SYT1: variants seen among roughly 807,000 people sequenced by gnomAD.
The protein encoded by SYT1 is synaptotagmin-1.
SYT1 carries 8 observed loss-of-function variants against 44.8 expected under a neutral mutation model. The ratio of observed to expected loss-of-function variants is 0.18; its 90% confidence interval spans 0.10 to 0.32. The LOEUF (loss-of-function observed/expected upper bound fraction) is 0.32. SYT1 is among the 10% of genes least tolerant of loss of function. The probability of loss-of-function intolerance (pLI) is 1.00; values close to 1 mark genes in which losing one functional copy is unlikely to be tolerated. For missense variants in SYT1, 286 were observed against 509.3 expected, an observed-to-expected ratio of 0.56 and a Z score of 4.22; for synonymous variants, 154 against 188.8, an observed-to-expected ratio of 0.82 and a Z score of 1.51.
intron 9 of SYT1, among the ~76,000 whole-genome samples, chr12:79,387,451 T>A (rs546419703): frequency 1.8e-4 from 27 of 152,344 alleles, no homozygotes; most frequent in Non-Finnish European, 2.9e-4. Flanking sequence ...GGCATCAATC[T>A]CTCAATGAAA....
intron 8 of SYT1, among the ~76,000 whole-genome samples, chr12:79,341,811 G>A (rs1333657993): frequency 6.6e-6 from 1 of 151,654 alleles, no homozygotes; most frequent in Non-Finnish European, 1.5e-5. Context: ...TGGGACTATA[G>A]GCACCCGCCA....
chr12:79,397,341 C>T (rs1430673775), intron 9 of SYT1, among the ~76,000 whole-genome samples: 3 of 152,116 alleles, frequency 2.0e-5, no homozygotes, highest in African/African-American at 4.8e-5. Context: ...GCAGTCCTCC[C>T]ACCTCAGCCT....
At chr12:79,241,125 G>T (rs1019720734) in intron 4 of SYT1, among the ~76,000 whole-genome samples, 1 of 152,184 alleles carries the variant, frequency 6.6e-6, no homozygotes, top group Non-Finnish European at 1.5e-5. Context: ...AGTGAACTGT[G>T]ATAGTGCCAC....
chr12:79,373,441 T>C (rs371886430), intron 9 of SYT1, among the ~76,000 whole-genome samples: 11 of 152,304 alleles, frequency 7.2e-5, no homozygotes, highest in Admixed American at 3.9e-4. Context: ...TTATGAATGA[T>C]AAAAATGTTA....
chr12:79,180,809 G>T (rs900816910), intron 3 of SYT1, among the ~76,000 whole-genome samples: 1 of 152,020 alleles, frequency 6.6e-6, no homozygotes, highest in African/African-American at 2.4e-5. Flanking sequence ...AACGTTGGGT[G>T]ATATGGTTTG....
At chr12:79,128,720 A>G (rs1241146977) in intron 3 of SYT1, among the ~76,000 whole-genome samples, 1 of 152,254 alleles carries the variant, frequency 6.6e-6, no homozygotes, top group Non-Finnish European at 1.5e-5. Flanking sequence ...TGGCACGTGT[A>G]TACCTATGTA....
At position 79,273,356 on chromosome 12, in the gene SYT1, T is replaced by G. The variant is rs1878537914; in HGVS notation, c.167-12431T>G. 2.6e-5 allele frequency among the ~76,000 whole-genome samples: 4 copies of G among 152,208 alleles called. No individual in the cohort carries two copies. The South Asian group carries it at 6.2e-4, about 24-fold the overall frequency. ...AACTCCTGGACTCAGGTGATCCTCC[T>G]GCCTCAGCCTCCCAAAGTACTGGCA... is the stretch of plus-strand genomic sequence containing the variant. On this transcript the variant is annotated intron_variant, in intron 4 of 10. Transcript: ENST00000261205.
intron 2 of SYT1, among the ~76,000 whole-genome samples, chr12:79,027,538 G>A (rs1872607349): frequency 1.3e-5 from 2 of 151,248 alleles, no homozygotes; most frequent in Non-Finnish European, 3.0e-5. Flanking sequence ...TAGATATTAT[G>A]TAGATATATA....
intron 4 of SYT1, among the ~76,000 whole-genome samples, chr12:79,228,454 T>C (rs1188886774): frequency 3.9e-5 from 6 of 152,126 alleles, no homozygotes; most frequent in Non-Finnish European, 7.4e-5. Context: ...TCTGCATTAT[T>C]ATCACTATTG....
chr12:79,303,935 C>T (rs1272021424), intron 8 of SYT1, among the ~76,000 whole-genome samples: 3 of 152,122 alleles, frequency 2.0e-5, no homozygotes, highest in Non-Finnish European at 2.9e-5. Context: ...CTCCACCCAA[C>T]GATCAATGCC....
intron 3 of SYT1, among the ~76,000 whole-genome samples, chr12:79,208,007 A>G (rs1232315085): frequency 6.6e-6 from 1 of 152,206 alleles, no homozygotes; most frequent in East Asian, 1.9e-4. Flanking sequence ...CCTGGTTTTT[A>G]ACACAAACAT....
intron 3 of SYT1, among the ~76,000 whole-genome samples, chr12:79,144,938 A>G (rs1869783448): frequency 6.6e-6 from 1 of 152,216 alleles, no homozygotes; most frequent in South Asian, 2.1e-4. Context: ...GAAGAGTTTC[A>G]GAGTCTGACC....
At chr12:79,103,104 T>C (rs554434308) in intron 3 of SYT1, 226 of 152,314 alleles carry the variant, frequency 1.5e-3, no homozygotes, top group African/African-American at 5.2e-3. Flanking sequence ...CCCAAGCTAA[T>C]GCCTTTAAGC....
chr12:79,380,392 T>C (rs1323474009), intron 9 of SYT1, among the ~76,000 whole-genome samples: 1 of 152,184 alleles, frequency 6.6e-6, no homozygotes, highest in South Asian at 2.1e-4. Context: ...ATGAAGAATT[T>C]TTTGTTTATT....
At chr12:79,150,691 G>A (rs1462330928) in intron 3 of SYT1, among the ~76,000 whole-genome samples, 1 of 152,192 alleles carries the variant, frequency 6.6e-6, no homozygotes, top group East Asian at 1.9e-4. Context: ...AAAGAGCACA[G>A]AGCAAGTTAA....
intron 3 of SYT1, among the ~76,000 whole-genome samples, chr12:79,167,348 A>G (rs763255466): frequency 6.6e-6 from 1 of 151,992 alleles, no homozygotes; most frequent in African/African-American, 2.4e-5. Context: ...CCTGAATAAT[A>G]CTTTTTATTG....
At chr12:79,373,821 CAG>C (rs1883886042) in intron 9 of SYT1, among the ~76,000 whole-genome samples, 2 of 152,098 alleles carry the variant, frequency 1.3e-5, no homozygotes, top group Admixed American at 6.6e-5. Flanking sequence ...GCATGACTGA[CAG>C]AGCACAGCTG....
At chr12:79,066,298 C>T (rs1875846726) in intron 3 of SYT1, among the ~76,000 whole-genome samples, 1 of 152,128 alleles carries the variant, frequency 6.6e-6, no homozygotes, top group South Asian at 2.1e-4. Context: ...CCTTGATCCC[C>T]AGAGTCCTTG....
chr12:79,296,798 G>A (rs1879894802), intron 7 of SYT1, among the ~76,000 whole-genome samples: 1 of 151,940 alleles, frequency 6.6e-6, no homozygotes, highest in Non-Finnish European at 1.5e-5. Flanking sequence ...TCATCTTGTT[G>A]AGGCACCTCA....
Sources: gnomAD v4.1 joint callset for allele counts (sites outside exome capture counted in the v4.1 genomes callset) on GRCh38, gnomAD v4.1.1 for gene constraint, MANE v1.5 for transcripts, NCBI Gene and HGNC (gene_info 2026-07-23, HGNC 2026-07-21) for gene names.